The following ACOT12 variants were observed in gnomAD, a reference collection of about 807,000 sequenced individuals.
ACOT12 encodes acetyl-coenzyme A thioesterase.
In ACOT12, 51 loss-of-function variants were observed where a neutral mutation model predicts 67.7. That is an observed-to-expected ratio of 0.75 (90% confidence interval 0.60 to 0.95). ACOT12 has a LOEUF of 0.95. ACOT12 is among the 40% of genes least tolerant of loss of function. ACOT12 has a pLI of 0.00. For synonymous variants in ACOT12, 251 were observed against 244.6 expected, an observed-to-expected ratio of 1.03 and a Z score of -0.24; for missense variants, 734 against 708.1, an observed-to-expected ratio of 1.04 and a Z score of -0.41.
rs1293240386 is a variant in ACOT12 at position 81,375,065 on chromosome 5, G to GA, written c.198-3256dup. Among the ~76,000 whole-genome samples the GA allele has an allele frequency of 3.3e-5, 5 of 152,252 alleles. No individual in the cohort carries two copies. The East Asian group carries it at 7.7e-4, about 24-fold the overall frequency. On this transcript the variant is annotated intron_variant, in intron 2 of 14. Transcript: ENST00000307624. ...CAGATTCACCAAGGTTGAAATGAAGGAAAAAATGTTAAGGGCAGCCAGAGA... is the reference window on the plus strand; with the variant it reads ...CAGATTCACCAAGGTTGAAATGAAGGAAAAAAATGTTAAGGGCAGCCAGAGA...
chr5:81,335,940 T>G (rs985244098), intron 11 of ACOT12, 39 bp from the exon 12 acceptor site: 1 of 1,579,880 alleles, frequency 6.3e-7, no homozygotes, highest in Admixed American at 1.8e-5. Flanking sequence ...GAAAGAAAAC[T>G]GATGCTTTTA....
In ACOT12 at chr5:81,331,166, A is replaced by G. The variant is rs541029402; in HGVS notation, c.1392-226T>C. On this transcript the variant is annotated intron_variant, in intron 13 of 14. Coordinates refer to ENST00000307624, the MANE Select transcript of ACOT12 (RefSeq NM_130767.3). ...CATATACAATGCTTTGTGTAACTCC[A>G]TGAAACTGGAGTCAACCACCAAACT... is the stretch of plus-strand genomic sequence containing the variant. Among the ~76,000 whole-genome samples, 156 of 152,340 alleles carry G rather than the reference A, an allele frequency of 1.0e-3. 2 individuals are homozygous for G. The highest frequency in any genetic ancestry group is 3.5e-3 in the African/African-American group (146 of 41,588).
intron 12 of ACOT12, among the ~76,000 whole-genome samples, chr5:81,333,097 A>AC (rs1758884185): frequency 1.3e-5 from 2 of 151,256 alleles, no homozygotes; most frequent in African/African-American, 4.9e-5. Context: ...AAACAAACAA[A>AC]AAACGCAAGA....
At chr5:81,343,971 C>T (rs1056213068) in intron 9 of ACOT12, 90 bp from the exon 10 acceptor site, 1 of 1,324,008 alleles carries the variant, frequency 7.6e-7, no homozygotes, top group African/African-American at 1.5e-5. Context: ...GAACTTCTAT[C>T]AGCCATGGAT....
At chr5:81,336,806 A>G (rs1353323367) in intron 11 of ACOT12, among the ~76,000 whole-genome samples, 1 of 152,236 alleles carries the variant, frequency 6.6e-6, no homozygotes, top group Non-Finnish European at 1.5e-5. Context: ...GGAATCAAGC[A>G]GATGGGAAAA....
chr5:81,382,267 G>T (rs1760605153), intron 2 of ACOT12, among the ~76,000 whole-genome samples: 1 of 152,102 alleles, frequency 6.6e-6, no homozygotes, highest in African/African-American at 2.4e-5. Context: ...CACCTTTCCT[G>T]CCCAGGTTGT....
At chr5:81,324,516 A>G in the ACOT12 span, among the ~76,000 whole-genome samples, 3 of 152,184 alleles carry the variant, frequency 2.0e-5, no homozygotes, top group South Asian at 4.1e-4. Context: ...AAGCCTAGAG[A>G]CATAGATGTG....
the ACOT12 span, among the ~76,000 whole-genome samples, chr5:81,320,831 C>T: frequency 1.3e-5 from 2 of 152,156 alleles, no homozygotes; most frequent in Non-Finnish European, 1.5e-5. Context: ...TAACCAAATA[C>T]TATAAACTAA....
Position 81,381,533 on chromosome 5 carries a change from G to A in ACOT12, c.197+4224C>T, listed in dbSNP as rs184512493. On this transcript the variant is annotated intron_variant, in intron 2 of 14. Coordinates refer to ENST00000307624, the MANE Select transcript of ACOT12 (RefSeq NM_130767.3). ...TTCTCCACCTCATTTTTAAGTGAAA[G>A]AAGTGAGGTGGAGAAGAGTACACAC... Among the ~76,000 whole-genome samples, 703 of 152,220 alleles carry A rather than the reference G, an allele frequency of 4.6e-3. 3 individuals are homozygous for A. Among genetic ancestry groups the A allele is most frequent in the South Asian group, 0.014 (69 of 4,826 alleles).
At chr5:81,366,746 C>T (rs1760092606) in intron 3 of ACOT12, among the ~76,000 whole-genome samples, 2 of 151,896 alleles carry the variant, frequency 1.3e-5, no homozygotes, top group African/African-American at 4.8e-5. Context: ...AATACAACAT[C>T]TGAAATAAAA....
At chr5:81,369,731 C>T (rs1760189291) in intron 3 of ACOT12, among the ~76,000 whole-genome samples, 1 of 152,100 alleles carries the variant, frequency 6.6e-6, no homozygotes, top group South Asian at 2.1e-4. Context: ...AAATTCTAGC[C>T]TGTCTTAGGG....
intron 8 of ACOT12, among the ~76,000 whole-genome samples, chr5:81,344,580 C>T (rs6874204): frequency 0.025 from 3,753 of 152,188 alleles, 167 homozygotes; most frequent in African/African-American, 0.085. Context: ...TGGCACGTGG[C>T]ACAGCATCAA....
the ACOT12 span, among the ~76,000 whole-genome samples, chr5:81,314,395 G>A: frequency 6.6e-6 from 1 of 152,064 alleles, no homozygotes; most frequent in African/African-American, 2.4e-5. Context: ...GAGCCACCAT[G>A]CCCGGCCTAC....
intron 3 of ACOT12, among the ~76,000 whole-genome samples, chr5:81,366,827 A>G (rs192393640): frequency 2.0e-5 from 3 of 152,330 alleles, no homozygotes; most frequent in African/African-American, 7.2e-5. Context: ...GAAGATGACA[A>G]AAGAAGCTAC....
the ACOT12 span, among the ~76,000 whole-genome samples, chr5:81,318,022 A>G: frequency 6.6e-5 from 10 of 151,566 alleles, no homozygotes; most frequent in African/African-American, 2.2e-4. Flanking sequence ...AGCTGGGACT[A>G]CAGGCATGCT....
At chr5:81,340,417 A>AGT (rs1234384201) in intron 11 of ACOT12, among the ~76,000 whole-genome samples, 1 of 152,066 alleles carries the variant, frequency 6.6e-6, no homozygotes, top group Non-Finnish European at 1.5e-5. Context: ...GCTTGAGTGC[A>AGT]GTAACACGAT....
intron 3 of ACOT12, among the ~76,000 whole-genome samples, chr5:81,367,576 T>C: frequency 6.6e-6 from 1 of 151,976 alleles, no homozygotes; most frequent in East Asian, 1.9e-4. Flanking sequence ...ATATGTATAG[T>C]TAAAACACCA....
At chr5:81,366,525 ACT>A (rs1760082471) in intron 3 of ACOT12, among the ~76,000 whole-genome samples, 1 of 152,072 alleles carries the variant, frequency 6.6e-6, no homozygotes. Context: ...GGTCACATGG[ACT>A]CTATTGCCAC....
At chr5:81,383,332 T>A (rs1483828193) in intron 2 of ACOT12, among the ~76,000 whole-genome samples, 1 of 151,748 alleles carries the variant, frequency 6.6e-6, no homozygotes, top group East Asian at 1.9e-4. Context: ...ATCGCACCAC[T>A]GCACTCCAGC....
Sources: gnomAD v4.1 joint callset for allele counts (sites outside exome capture counted in the v4.1 genomes callset) on GRCh38, gnomAD v4.1.1 for gene constraint, MANE v1.5 for transcripts, NCBI Gene and HGNC (gene_info 2026-07-23, HGNC 2026-07-21) for gene names.